The following SLC4A4 variants were observed in gnomAD, a reference collection of about 807,000 sequenced individuals.
The protein encoded by SLC4A4 is electrogenic sodium bicarbonate cotransporter 1.
SLC4A4 carries 27 observed loss-of-function variants against 111.5 expected under a neutral mutation model. That is an observed-to-expected ratio of 0.24 (90% CI 0.18 to 0.33). SLC4A4 has a LOEUF of 0.33. Ranked by LOEUF, SLC4A4 falls within the 10% of genes least tolerant of loss-of-function variation. The pLI is 1.00. For synonymous variants in SLC4A4, 443 were observed against 463.4 expected, an observed-to-expected ratio of 0.96 and a Z score of 0.57; for missense variants, 909 against 1,315.5, an observed-to-expected ratio of 0.69 and a Z score of 4.78.
At chr4:71,499,660 G>C (rs1730726474) in intron 16 of SLC4A4, among the ~76,000 whole-genome samples, 1 of 152,128 alleles carries the variant, frequency 6.6e-6, no homozygotes, top group African/African-American at 2.4e-5. Flanking sequence ...ACGTGTAAGT[G>C]AGATCATGTA....
intron 3 of SLC4A4, among the ~76,000 whole-genome samples, chr4:71,284,270 T>G (rs750358402): frequency 9.2e-5 from 14 of 152,256 alleles, no homozygotes; most frequent in South Asian, 2.1e-4. Context: ...ATAAAAGGAG[T>G]TTAAAGTCCA....
chr4:71,487,270 C>T (rs1729498352), intron 15 of SLC4A4, among the ~76,000 whole-genome samples: 1 of 151,434 alleles, frequency 6.6e-6, no homozygotes, highest in Non-Finnish European at 1.5e-5. Flanking sequence ...TTTAAAACTT[C>T]TTAGAATTTA....
intron 1 of SLC4A4, among the ~76,000 whole-genome samples, chr4:71,088,599 G>A (rs1653044222): frequency 6.6e-6 from 1 of 151,896 alleles, no homozygotes; most frequent in South Asian, 2.1e-4. Context: ...GGGCAGACTT[G>A]GTGGTGACAA....
intron 1 of SLC4A4, among the ~76,000 whole-genome samples, chr4:71,079,728 GCTGTGCCACTGCATT>G (rs1172905878): frequency 6.6e-6 from 1 of 151,190 alleles, no homozygotes; most frequent in East Asian, 2.0e-4. Flanking sequence ...GTGAGCAGTG[GCTGTGCCACTGCATT>G]CTAGGCTAGG....
At position 71,481,118 on chromosome 4, in the gene SLC4A4, G is replaced by C. The variant is rs372818112; in HGVS notation, c.1904-5830G>C. 1.1e-4 allele frequency among the ~76,000 whole-genome samples: 17 copies of C among 151,784 alleles called. No homozygotes were observed. The South Asian group carries it at 3.1e-3, about 28-fold the overall frequency. ...CCAGTTTTACAAATGAGGAACATGT[G>C]GTCAAGAGGTGTGAAGTAACTCCTC... On this transcript the variant is annotated intron_variant, in intron 14 of 25. Transcript: ENST00000264485.
intron 20 of SLC4A4, among the ~76,000 whole-genome samples, chr4:71,548,268 A>G (rs565621562): frequency 9.0e-4 from 137 of 152,020 alleles, no homozygotes; most frequent in South Asian, 3.7e-3. Flanking sequence ...AAAATTACTG[A>G]CTCATAATTA....
intron 2 of SLC4A4, among the ~76,000 whole-genome samples, chr4:71,122,114 A>G (rs567676150): frequency 6.6e-6 from 1 of 152,148 alleles, no homozygotes; most frequent in Non-Finnish European, 1.5e-5. Context: ...CACCATCTTT[A>G]AGAACTGTAA....
At chr4:71,325,063 T>G (rs1326152857) in intron 3 of SLC4A4, among the ~76,000 whole-genome samples, 1 of 152,012 alleles carries the variant, frequency 6.6e-6, no homozygotes, top group East Asian at 1.9e-4. Flanking sequence ...GAATACTACT[T>G]GGCTGTTTCA....
intron 16 of SLC4A4, among the ~76,000 whole-genome samples, chr4:71,510,702 C>T (rs1289270972): frequency 6.6e-6 from 1 of 152,096 alleles, no homozygotes; most frequent in Non-Finnish European, 1.5e-5. Flanking sequence ...GAATTTAACC[C>T]ATTTACATTC....
At chr4:71,495,686 A>G (rs980362515) in intron 15 of SLC4A4, among the ~76,000 whole-genome samples, 3 of 152,126 alleles carry the variant, frequency 2.0e-5, no homozygotes, top group Admixed American at 6.6e-5. Flanking sequence ...AATTCATTGA[A>G]TAGTAAAAGA....
chr4:71,305,791 G>A (rs373968266), intron 3 of SLC4A4, among the ~76,000 whole-genome samples: 2 of 152,172 alleles, frequency 1.3e-5, no homozygotes, highest in African/African-American at 4.8e-5. Context: ...GTCTATTCCC[G>A]CATGGGCCAA....
At chr4:71,138,960 CG>C (rs1743920724) in intron 2 of SLC4A4, among the ~76,000 whole-genome samples, 1 of 138,252 alleles carries the variant, frequency 7.2e-6, no homozygotes, top group African/African-American at 2.8e-5. Flanking sequence ...GGTGTGAACC[CG>C]GGAGGCGGAG....
intron 2 of SLC4A4, among the ~76,000 whole-genome samples, chr4:71,133,217 A>C (rs1164453028): frequency 1.3e-5 from 2 of 152,188 alleles, no homozygotes; most frequent in Non-Finnish European, 2.9e-5. Flanking sequence ...GGAACCATTA[A>C]GACATCTTCT....
In SLC4A4 at chr4:71,439,483, C is replaced by CCCCA. The variant is rs759981892; in HGVS notation, c.808-1132_808-1129dup. ...AAAAAAAAAAAAAAGAAAAGAAAAT[C>CCCCA]CCCAGCACCTCCATCTTGCCAAATT... On this transcript the variant is annotated intron_variant, in intron 7 of 25. Coordinates refer to ENST00000264485, the MANE Select transcript of SLC4A4 (RefSeq NM_001098484.3). Among the ~76,000 whole-genome samples the CCCCA allele has an allele frequency of 2.2e-3, 178 of 81,938 alleles. 1 individual carries two copies. The highest frequency in any genetic ancestry group is 3.2e-3 in the Non-Finnish European group (109 of 33,548). 53.8% of individuals were successfully genotyped at this position (81,938 alleles called of 152,430 possible).
At chr4:71,116,330 T>C (rs1743248829) in intron 2 of SLC4A4, among the ~76,000 whole-genome samples, 1 of 152,240 alleles carries the variant, frequency 6.6e-6, no homozygotes, top group African/African-American at 2.4e-5. Context: ...AGTTGGAGAT[T>C]GTTTTTGTTT....
Position 71,191,079 on chromosome 4 carries a change from G to A in SLC4A4, c.-2+3678G>A, listed in dbSNP as rs189610479. 4.3e-4 allele frequency among the ~76,000 whole-genome samples: 66 copies of A among 152,352 alleles called. 1 individual carries two copies. The highest frequency in any genetic ancestry group is 3.4e-3 in the Middle Eastern group (1 of 294). ...TTATTTGTAAAATAGGTTAGGCTTTGTGTTAGATGATTTTGCCTAGTAGGC... is the reference window on the plus strand; with the variant it reads ...TTATTTGTAAAATAGGTTAGGCTTTATGTTAGATGATTTTGCCTAGTAGGC... On this transcript the variant is annotated intron_variant, in intron 1 of 25. Transcript: ENST00000264485.
In SLC4A4 at chr4:71,168,011, T is replaced by C. The variant is rs1744828402; in HGVS notation, c.-1-68565T>C. On this transcript the variant is annotated intron_variant, in intron 2 of 26. Coordinates refer to the SLC4A4 transcript ENST00000649996. ...TTTTTGAAATTATTTATTTGTTTTTTTAAAATTTTTATAATTTTTGTGAAT... is the reference window on the plus strand; with the variant it reads ...TTTTTGAAATTATTTATTTGTTTTTCTAAAATTTTTATAATTTTTGTGAAT... Among the ~76,000 whole-genome samples, 2 of 151,950 alleles carry C rather than the reference T, an allele frequency of 1.3e-5. 1 individual carries two copies. The highest frequency in any genetic ancestry group is 4.2e-4 in the South Asian group (2 of 4,818).
chr4:71,352,467 A>C (rs1052211442), intron 5 of SLC4A4, among the ~76,000 whole-genome samples: 60 of 152,296 alleles, frequency 3.9e-4, no homozygotes, highest in African/African-American at 1.4e-3. Context: ...ATTAAAATAT[A>C]CTTACTCTAT....
intron 6 of SLC4A4, 116 bp from the exon 7 acceptor site, chr4:71,397,461 T>C (rs1223285072): frequency 1.1e-6 from 1 of 932,966 alleles, no homozygotes; most frequent in Non-Finnish European, 1.8e-6. Flanking sequence ...CCTAGTGTGG[T>C]TAAAAGTATC....
Sources: allele counts gnomAD v4.1 joint callset (sites outside exome capture counted in the v4.1 genomes callset), GRCh38; gene constraint gnomAD v4.1.1; transcripts MANE v1.5; gene names NCBI Gene and HGNC (gene_info 2026-07-23, HGNC 2026-07-21).